Variants in LRRC4C observed in about 807,000 individuals in gnomAD.
LRRC4C encodes the protein leucine rich repeat containing 4C.
Under a neutral mutation model 33.6 loss-of-function variants are expected in LRRC4C, and 5 were observed. That is an observed-to-expected ratio of 0.15 (90% CI 0.08 to 0.31). The LOEUF is 0.31. Among genes scored for constraint, LRRC4C ranks in the 10% least tolerant of loss-of-function variants. LRRC4C has a pLI of 1.00. For synonymous variants in LRRC4C, 329 were observed against 302.0 expected (o/e 1.09, Z -0.93); for missense variants, 560 against 796.7 (o/e 0.70, Z 3.58).
intron 2 of LRRC4C, among the ~76,000 whole-genome samples, chr11:40,822,735 A>G (rs1275991479): frequency 6.6e-6 from 1 of 151,678 alleles, no homozygotes; most frequent in Non-Finnish European, 1.5e-5. Flanking sequence ...TTACCCCAAA[A>G]AAATTTGCCC....
In LRRC4C at chr11:40,639,309, G is replaced by T. The variant is rs538886263; in HGVS notation, c.-270+8833C>A. Among the ~76,000 whole-genome samples the T allele has an allele frequency of 3.3e-5, 5 of 152,268 alleles. No individual in the cohort carries two copies. The East Asian group carries it at 9.7e-4, about 29-fold the overall frequency. On this transcript the variant is annotated intron_variant, in intron 3 of 6. Transcript: ENST00000528697. ...AGAATACTGAAGCCCCCTTGCACTG[G>T]CCTGCACCAGCCTGTAAGAGAATAT...
chr11:40,654,139 T>G (rs1942970074), intron 2 of LRRC4C, among the ~76,000 whole-genome samples: 1 of 152,184 alleles, frequency 6.6e-6, no homozygotes, highest in African/African-American at 2.4e-5. Context: ...AGAGAACCAC[T>G]GCTAGGGCAG....
intron 1 of LRRC4C, among the ~76,000 whole-genome samples, chr11:41,078,363 A>G (rs917892683): frequency 6.6e-6 from 1 of 152,128 alleles, no homozygotes; most frequent in African/African-American, 2.4e-5. Flanking sequence ...CCTAGTACCA[A>G]TTTTCTGTAT....
chr11:41,400,409 C>G (rs1376446129), intron 1 of LRRC4C, among the ~76,000 whole-genome samples: 1 of 151,748 alleles, frequency 6.6e-6, no homozygotes, highest in Non-Finnish European at 1.5e-5. Flanking sequence ...GATTTCCACT[C>G]CCCTTGTTAG....
At chr11:40,307,588 G>A (rs1037498488) in intron 4 of LRRC4C, among the ~76,000 whole-genome samples, 2 of 152,134 alleles carry the variant, frequency 1.3e-5, no homozygotes, top group Admixed American at 1.3e-4. Context: ...CTTCTGCCAT[G>A]TTGTATAGTT....
chr11:41,257,590 T>G (rs1380355910), intron 1 of LRRC4C, among the ~76,000 whole-genome samples: 1 of 152,080 alleles, frequency 6.6e-6, no homozygotes, highest in Non-Finnish European at 1.5e-5. Flanking sequence ...GGTTTATGAC[T>G]TATACACATC....
At chr11:40,799,942 AG>A (rs1459234085) in intron 2 of LRRC4C, among the ~76,000 whole-genome samples, 2 of 152,190 alleles carry the variant, frequency 1.3e-5, no homozygotes, top group African/African-American at 2.4e-5. Context: ...GCCAGTATCT[AG>A]ACAGTCTATT....
intron 3 of LRRC4C, among the ~76,000 whole-genome samples, chr11:40,332,581 C>T (rs187632895): frequency 6.6e-6 from 1 of 152,168 alleles, no homozygotes; most frequent in Non-Finnish European, 1.5e-5. Context: ...TTATCATCAA[C>T]ACTTGTGTAA....
At chr11:41,078,035 C>T (rs1939285514) in intron 1 of LRRC4C, among the ~76,000 whole-genome samples, 1 of 152,178 alleles carries the variant, frequency 6.6e-6, no homozygotes. Flanking sequence ...AGTCTCTTTG[C>T]TAAAGCATAG....
rs532878247 is a variant in LRRC4C, at chr11:41,077,450, C to T, written c.-495-143727G>A. Among the ~76,000 whole-genome samples, 5 of 152,350 alleles carry T rather than the reference C, an allele frequency of 3.3e-5. 1 individual carries two copies. In the East Asian group the frequency reaches 7.7e-4, roughly 24 times the overall value. ...GCCTTCTGCATTCCTGCAAGCCCAACACCACATGGAAGCTGTCAAGGCTTG... is the reference window on the plus strand; with the variant it reads ...GCCTTCTGCATTCCTGCAAGCCCAATACCACATGGAAGCTGTCAAGGCTTG... On this transcript the variant is annotated intron_variant, in intron 1 of 6. Coordinates refer to ENST00000528697, the MANE Select transcript of LRRC4C (RefSeq NM_001258419.2).
intron 1 of LRRC4C, among the ~76,000 whole-genome samples, chr11:41,227,611 C>T (rs1947600034): frequency 6.6e-6 from 1 of 152,078 alleles, no homozygotes; most frequent in Admixed American, 6.6e-5. Flanking sequence ...GGGATCCTCC[C>T]ATCTCAGCCT....
intron 3 of LRRC4C, among the ~76,000 whole-genome samples, chr11:40,333,780 AG>A (rs1239967326): frequency 6.6e-6 from 1 of 150,538 alleles, no homozygotes; most frequent in African/African-American, 2.4e-5. Flanking sequence ...CTCTTAACTG[AG>A]GAACAGTTTC....
At chr11:40,279,976 T>G (rs1312652937) in intron 4 of LRRC4C, among the ~76,000 whole-genome samples, 1 of 152,184 alleles carries the variant, frequency 6.6e-6, no homozygotes, top group Non-Finnish European at 1.5e-5. Flanking sequence ...GATGATTTAC[T>G]CGGCCCTGAA....
At chr11:40,883,705 G>T (rs1282072157) in intron 2 of LRRC4C, among the ~76,000 whole-genome samples, 3 of 151,744 alleles carry the variant, frequency 2.0e-5, no homozygotes, top group South Asian at 2.1e-4. Flanking sequence ...CTTTAAAAAT[G>T]CTACTTCAGG....
intron 3 of LRRC4C, among the ~76,000 whole-genome samples, chr11:40,554,002 A>C (rs12289158): frequency 0.024 from 3,730 of 152,268 alleles, 65 homozygotes; most frequent in South Asian, 0.034. Context: ...TTGAGGACTT[A>C]GTCATAAATT....
At chr11:41,231,793 G>A (rs1947811641) in intron 1 of LRRC4C, among the ~76,000 whole-genome samples, 1 of 151,400 alleles carries the variant, frequency 6.6e-6, no homozygotes, top group African/African-American at 2.4e-5. Context: ...GTATATATAT[G>A]TATATATACA....
chr11:41,439,550 T>C (rs1955546006), intron 1 of LRRC4C, among the ~76,000 whole-genome samples: 1 of 152,220 alleles, frequency 6.6e-6, no homozygotes, highest in South Asian at 2.1e-4. Context: ...TTTTTTATTT[T>C]TTAATAATAA....
At chr11:40,993,327 A>G (rs1253801971) in intron 1 of LRRC4C, among the ~76,000 whole-genome samples, 2 of 152,152 alleles carry the variant, frequency 1.3e-5, no homozygotes, top group Non-Finnish European at 2.9e-5. Flanking sequence ...CTTCAGTTAG[A>G]TGATCTTAGA....
chr11:40,456,079 C>T lies in LRRC4C; in HGVS notation c.-269-136358G>A, dbSNP rs187246138. ...CATATGACTTCCTCTCATTGAGAGG[C>T]TACTTGGGAGAAAAATGCCTACAAA... On this transcript the variant is annotated intron_variant, in intron 3 of 6. Coordinates refer to ENST00000528697, the MANE Select transcript of LRRC4C (RefSeq NM_001258419.2). Among the ~76,000 whole-genome samples, 56 of 152,118 alleles carry T rather than the reference C, an allele frequency of 3.7e-4. 2 individuals carry two copies. The highest frequency in any genetic ancestry group is 1.2e-3 in the African/African-American group (50 of 41,516).
Sources: gnomAD v4.1 joint callset for allele counts (sites outside exome capture counted in the v4.1 genomes callset) on GRCh38, gnomAD v4.1.1 for gene constraint, MANE v1.5 for transcripts, NCBI Gene and HGNC (gene_info 2026-07-23, HGNC 2026-07-21) for gene names.